MOK: variants seen among roughly 807,000 people sequenced by gnomAD.
MOK encodes MAPK/MAK/MRK overlapping kinase.
Under a neutral mutation model 54.2 loss-of-function variants are expected in MOK, and 59 were observed. The ratio of observed to expected loss-of-function variants is 1.09; its 90% confidence interval spans 0.88 to 1.35. MOK has a LOEUF of 1.35. Among genes scored for constraint, MOK ranks in the 40% most tolerant of loss-of-function variants. The probability of loss-of-function intolerance (pLI) is 0.00; values close to 1 mark genes in which losing one functional copy is unlikely to be tolerated. For synonymous variants in MOK, 210 were observed against 202.7 expected, an observed-to-expected ratio of 1.04 and a Z score of -0.31; for missense variants, 517 against 526.2, an observed-to-expected ratio of 0.98 and a Z score of 0.17.
chr14:102,287,775 A>C (rs941188165), intron 1 of MOK, among the ~76,000 whole-genome samples: 1 of 152,126 alleles, frequency 6.6e-6, no homozygotes, highest in Non-Finnish European at 1.5e-5. Context: ...CAGGAATGGA[A>C]AATGGTGCAG....
In MOK at chr14:102,230,894, C is replaced by T. The variant is rs1300032282; in HGVS notation, c.981+813G>A. ...GGTTTCAGCAAGTCTGTCTTTCGGA[C>T]ATTCAAGTGGAGCTGTCAAATCAGG... On this transcript the variant is annotated intron_variant, in intron 10 of 11. Transcript: ENST00000361847. This position sits in a 1 kb window ranked among gnomAD's most constrained non-coding sequence, Gnocchi z 4.1. 1 of 152,316 alleles carries T rather than the reference C, an allele frequency of 6.6e-6. No individual in the cohort carries two copies. The highest frequency in any genetic ancestry group is 1.5e-5 in the Non-Finnish European group (1 of 68,122). 9.4% of individuals were successfully genotyped at this position (152,316 alleles called of 1,614,324 possible).
chr14:102,254,164 A>G (rs1001204104), intron 4 of MOK, among the ~76,000 whole-genome samples: 1 of 151,786 alleles, frequency 6.6e-6, no homozygotes, highest in East Asian at 1.9e-4. Context: ...ATTTTTTTGT[A>G]TTTTCAGTAG....
chr14:102,290,639 TG>T (rs2070676529), intron 1 of MOK, among the ~76,000 whole-genome samples: 1 of 152,180 alleles, frequency 6.6e-6, no homozygotes, highest in Admixed American at 6.6e-5. Context: ...CAGGAAGGGC[TG>T]CTCTCCATTA....
chr14:102,291,890 G>A (rs997241349), intron 1 of MOK, among the ~76,000 whole-genome samples: 24 of 151,752 alleles, frequency 1.6e-4, no homozygotes, highest in Admixed American at 7.2e-4. Flanking sequence ...CCTGGGAGGC[G>A]GAGGTTGCAG....
intron 7 of MOK, among the ~76,000 whole-genome samples, chr14:102,237,818 T>C (rs2065357397): frequency 6.6e-6 from 1 of 152,226 alleles, no homozygotes; most frequent in Non-Finnish European, 1.5e-5. Flanking sequence ...CTTAGAATGC[T>C]AGCAGCAGCG....
chr14:102,258,897 T>C (rs1271072603), intron 4 of MOK, among the ~76,000 whole-genome samples: 3 of 152,204 alleles, frequency 2.0e-5, no homozygotes, highest in African/African-American at 7.2e-5. Context: ...AAACCCCGTC[T>C]CTACTAAAAG....
chr14:102,248,892 ACTGT>A lies in MOK; in HGVS notation c.590+1916_590+1919del, dbSNP rs113692806. On this transcript the variant is annotated intron_variant, in intron 7 of 11. Transcript: ENST00000361847. ...TATAAGCTTGGGGCTGCTTCCTCTGACTGTCTGACTTGCTTGCCTGACTTTGGGT... is the reference window on the plus strand; with the variant it reads ...TATAAGCTTGGGGCTGCTTCCTCTGACTGACTTGCTTGCCTGACTTTGGGT... Among the ~76,000 whole-genome samples, 357 of 151,772 alleles carry A rather than the reference ACTGT, an allele frequency of 2.4e-3. 2 individuals carry two copies. Among genetic ancestry groups the A allele is most frequent in the African/African-American group, 7.2e-3 (299 of 41,364 alleles).
intron 1 of MOK, among the ~76,000 whole-genome samples, chr14:102,289,676 G>T (rs2070533111): frequency 6.6e-6 from 1 of 151,950 alleles, no homozygotes; most frequent in South Asian, 2.1e-4. Context: ...TTTTAGTAGA[G>T]ATGGGGTTTC....
At chr14:102,295,118 A>G in intron 1 of MOK, among the ~76,000 whole-genome samples, 1 of 152,240 alleles carries the variant, frequency 6.6e-6, no homozygotes, top group African/African-American at 2.4e-5. Flanking sequence ...ACAAAGCATG[A>G]TACAAAGCTC....
At chr14:102,264,880 A>G (rs895643428) in intron 3 of MOK, among the ~76,000 whole-genome samples, 9 of 152,194 alleles carry the variant, frequency 5.9e-5, no homozygotes, top group African/African-American at 1.9e-4. Flanking sequence ...ACCCTCTCAG[A>G]GTGTCAGTGC....
chr14:102,297,713 C>T (rs1260790202), intron 1 of MOK, among the ~76,000 whole-genome samples: 2 of 152,112 alleles, frequency 1.3e-5, no homozygotes. Flanking sequence ...ACCGGGGCTG[C>T]ACGTGGTGCT....
rs549153022 is a variant in MOK at position 102,301,721 on chromosome 14, T to TA, written c.7+3240dup. Among the ~76,000 whole-genome samples, 674 of 152,276 alleles carry TA rather than the reference T, an allele frequency of 4.4e-3. 2 individuals carry two copies. The highest frequency in any genetic ancestry group is 6.5e-3 in the Non-Finnish European group (445 of 68,028). On this transcript the variant is annotated intron_variant, in intron 1 of 11. Coordinates refer to ENST00000361847, the MANE Select transcript of MOK (RefSeq NM_014226.3). ...GGGGATAAAAGGTTACAATAATTCT[T>TA]AGAGTACATTTTAAGGTAGAAGGAA...
intron 4 of MOK, among the ~76,000 whole-genome samples, 156 bp from the exon 5 acceptor site, chr14:102,252,151 T>C (rs1853989600): frequency 6.6e-6 from 1 of 152,194 alleles, no homozygotes; most frequent in South Asian, 2.1e-4. Context: ...GTAGTGTGCC[T>C]ACAAAACATA....
chr14:102,278,271 G>A, intron 2 of MOK, among the ~76,000 whole-genome samples: 1 of 152,048 alleles, frequency 6.6e-6, no homozygotes, highest in East Asian at 1.9e-4. Context: ...GACACTGGGT[G>A]GAGGTATAGA....
At chr14:102,275,176 CTT>C (rs1567210506) in intron 2 of MOK, among the ~76,000 whole-genome samples, 3 of 152,082 alleles carry the variant, frequency 2.0e-5, no homozygotes, top group Non-Finnish European at 1.5e-5. Flanking sequence ...CAAGGAAAGT[CTT>C]TTTTTAACAA....
chr14:102,278,727 G>A (rs78824306), intron 2 of MOK: 1 of 455,870 alleles, frequency 2.2e-6, no homozygotes, highest in Admixed American at 2.4e-5. Context: ...TTCCTCCCAG[G>A]GCCGCAGTGA....
At chr14:102,250,555 C>A (rs558094933) in intron 7 of MOK, among the ~76,000 whole-genome samples, 2 of 152,310 alleles carry the variant, frequency 1.3e-5, no homozygotes, top group South Asian at 4.1e-4. Context: ...CCCAAGGAGG[C>A]AGCTGCCCAC....
intron 1 of MOK, among the ~76,000 whole-genome samples, chr14:102,289,228 T>C (rs1400051421): frequency 1.3e-5 from 2 of 151,796 alleles, no homozygotes; most frequent in African/African-American, 4.8e-5. Flanking sequence ...TTCTGTATTA[T>C]GTTATACTCC....
intron 1 of MOK, 51 bp downstream of exon 1, chr14:102,304,906 CTCCCT>C: frequency 6.5e-7 from 1 of 1,528,972 alleles, no homozygotes. Context: ...CCCCCAGTCC[CTCCCT>C]CCCCCGCCAC....
Sources: allele counts gnomAD v4.1 joint callset (sites outside exome capture counted in the v4.1 genomes callset), GRCh38; gene constraint gnomAD v4.1.1; non-coding constraint Gnocchi (gnomAD v3.1); transcripts MANE v1.5; gene names NCBI Gene and HGNC (gene_info 2026-07-23, HGNC 2026-07-21).